CASP5: variants seen among roughly 807,000 people sequenced by gnomAD.
The protein encoded by CASP5 is caspase-5.
CASP5 carries 42 observed loss-of-function variants against 45.2 expected under a neutral mutation model. The observed-to-expected ratio is 0.93, with a 90% CI of 0.73 to 1.20. CASP5 has a LOEUF of 1.20. Among genes scored for constraint, CASP5 ranks in the 50% most tolerant of loss-of-function variants. The probability of loss-of-function intolerance (pLI) is 0.00; values close to 1 mark genes in which losing one functional copy is unlikely to be tolerated. For missense variants in CASP5, 512 were observed against 532.2 expected (o/e 0.96, Z 0.37); for synonymous variants, 209 against 186.2 (o/e 1.12, Z -1.00).
chr11:105,008,476 C>G (rs1453004975), intron 2 of CASP5, among the ~76,000 whole-genome samples: 2 of 152,048 alleles, frequency 1.3e-5, no homozygotes, highest in African/African-American at 4.8e-5. Context: ...GATTAGGGAG[C>G]AAGAGAGGTT....
chr11:105,008,763 T>C, intron 2 of CASP5, 44 bp downstream of exon 2: 1 of 1,403,556 alleles, frequency 7.1e-7, no homozygotes, highest in Non-Finnish European at 1.0e-6. Context: ...ATTGAACAGA[T>C]TCTAAAAAAT....
chr11:105,004,181 A>G (rs992284714), intron 3 of CASP5, among the ~76,000 whole-genome samples: 1 of 152,220 alleles, frequency 6.6e-6, no homozygotes, highest in African/African-American at 2.4e-5. Context: ...TAGTGACAAC[A>G]CAGTACACAA....
At chr11:105,015,759 AAAAAAAAT>A (rs1862558283) in intron 1 of CASP5, among the ~76,000 whole-genome samples, 1 of 152,136 alleles carries the variant, frequency 6.6e-6, no homozygotes, top group African/African-American at 2.4e-5. Context: ...AGACAAAAAA[AAAAAAAAT>A]TTAAAAGCAA....
Position 104,997,626 on chromosome 11 carries a change from G to C in CASP5, c.1097-134C>G, listed in dbSNP as rs998764534. On this transcript the variant is annotated intron_variant, in intron 7 of 9. Transcript: ENST00000260315. ...CCCTTATAACCAAACATTTACTTAG[G>C]TTTCACACAGAGGAAACAGAAAAGC... The C allele has an allele frequency of 1.7e-5, 9 of 524,778 alleles. No homozygotes were observed. The Admixed American group carries it at 2.2e-4, about 13-fold the overall frequency. 32.5% of individuals were successfully genotyped at this position (524,778 alleles called of 1,614,324 possible). A position where few individuals can be genotyped will look rare whatever the true frequency, so the allele number is the denominator to read the frequency against.
intron 1 of CASP5, among the ~76,000 whole-genome samples, chr11:105,021,848 G>A (rs1862979609): frequency 6.7e-6 from 1 of 150,220 alleles, no homozygotes; most frequent in African/African-American, 2.4e-5. Flanking sequence ...CTGCTATAAA[G>A]ACACATGCAC....
chr11:105,003,894 ATAT>A (rs1165823485), intron 3 of CASP5, among the ~76,000 whole-genome samples: 6 of 151,244 alleles, frequency 4.0e-5, no homozygotes, highest in Non-Finnish European at 1.5e-5. Context: ...TATATTCAAA[ATAT>A]TATTATTTCA....
chr11:105,009,773 A>ATATATATATATACACACG (rs1862209082), intron 1 of CASP5, among the ~76,000 whole-genome samples: 1 of 57,392 alleles, frequency 1.7e-5, no homozygotes, highest in Non-Finnish European at 4.1e-5. Context: ...ACACACACGT[A>ATATATATATATACACACG]TATATATATA....
At chr11:105,022,153 C>A (rs1463640186) in intron 1 of CASP5, among the ~76,000 whole-genome samples, 2 of 122,520 alleles carry the variant, frequency 1.6e-5, no homozygotes, top group African/African-American at 3.2e-5. Context: ...CACTCTGGAG[C>A]CTGTTGTGGG....
At chr11:105,005,160 A>G (rs893868746) in intron 3 of CASP5, among the ~76,000 whole-genome samples, 2 of 152,114 alleles carry the variant, frequency 1.3e-5, no homozygotes, top group African/African-American at 2.4e-5. Flanking sequence ...AAAAATTTCA[A>G]TTTGAGTCTT....
chr11:105,001,920 A>G, intron 5 of CASP5, 108 bp downstream of exon 5: 5 of 1,069,434 alleles, frequency 4.7e-6, no homozygotes, highest in South Asian at 1.6e-5. Flanking sequence ...ACACACGCAC[A>G]CGAACCCAGA....
chr11:105,009,783 A>ATC (rs1263217369), intron 1 of CASP5, among the ~76,000 whole-genome samples: 1 of 122,412 alleles, frequency 8.2e-6, no homozygotes, highest in Non-Finnish European at 1.7e-5. Flanking sequence ...ATATATATAT[A>ATC]TATACACACG....
intron 1 of CASP5, among the ~76,000 whole-genome samples, chr11:105,021,783 C>A (rs1202687585): frequency 8.0e-5 from 12 of 150,282 alleles, no homozygotes; most frequent in Non-Finnish European, 1.6e-4. Context: ...CTAGAAATAC[C>A]ATTTGACCCA....
chr11:105,000,644 T>C (rs1861681187), intron 5 of CASP5, 149 bp from the exon 6 acceptor site: 2 of 714,824 alleles, frequency 2.8e-6, no homozygotes, highest in Admixed American at 2.9e-5. Flanking sequence ...AGCAGTTTTA[T>C]GTTTTTTTGT....
chr11:104,999,053 T>C, intron 6 of CASP5, 25 bp from the exon 7 acceptor site: 1 of 1,569,294 alleles, frequency 6.4e-7, no homozygotes, highest in Admixed American at 2.0e-5. Context: ...ACTTTCTTTT[T>C]TTTTTATGTT....
At chr11:105,023,093 G>A (rs1591184609) in intron 1 of CASP5, 37 bp downstream of exon 1, 1 of 1,548,108 alleles carries the variant, frequency 6.5e-7, no homozygotes, top group Non-Finnish European at 8.7e-7. Flanking sequence ...TAAGACCTGA[G>A]TACCCAGCTG....
At chr11:105,003,810 T>C (rs977852727) in intron 3 of CASP5, among the ~76,000 whole-genome samples, 3 of 151,912 alleles carry the variant, frequency 2.0e-5, no homozygotes, top group Admixed American at 6.6e-5. Flanking sequence ...GAGTTCCATA[T>C]GCAATATTAA....
intron 1 of CASP5, among the ~76,000 whole-genome samples, chr11:105,012,402 G>T (rs1269418186): frequency 6.6e-6 from 1 of 151,702 alleles, no homozygotes. Flanking sequence ...CTAAAAATAT[G>T]GGAAAAGAAA....
At chr11:105,012,641 T>G (rs1273422347) in intron 1 of CASP5, among the ~76,000 whole-genome samples, 1 of 151,690 alleles carries the variant, frequency 6.6e-6, no homozygotes, top group Non-Finnish European at 1.5e-5. Context: ...GATGCATAAA[T>G]GGACAACAGG....
chr11:105,007,020 G>T, intron 3 of CASP5, 63 bp downstream of exon 3: 1 of 1,354,388 alleles, frequency 7.4e-7, no homozygotes, highest in Non-Finnish European at 1.0e-6. Flanking sequence ...ACACTGCATG[G>T]GCCTTGGAGT....
Sources: allele counts gnomAD v4.1 joint callset (sites outside exome capture counted in the v4.1 genomes callset), GRCh38; gene constraint gnomAD v4.1.1; transcripts MANE v1.5; gene names NCBI Gene and HGNC (gene_info 2026-07-23, HGNC 2026-07-21).